PALM2AKAP2: variants seen among roughly 807,000 people sequenced by gnomAD.
The protein encoded by PALM2AKAP2 is PALM2 and AKAP2 fusion, also known as PALM2-AKAP2 fusion protein.
PALM2AKAP2 carries 37 observed loss-of-function variants against 71.5 expected under a neutral mutation model. The observed-to-expected ratio is 0.52, with a 90% CI of 0.40 to 0.68. The LOEUF (loss-of-function observed/expected upper bound fraction) is 0.68, where lower values mean the gene tolerates loss of function less well. Ranked by LOEUF, PALM2AKAP2 falls within the 30% of genes least tolerant of loss-of-function variation. The pLI is 0.00. For missense variants in PALM2AKAP2, 1,224 were observed against 1,191.8 expected (o/e 1.03, Z -0.40); for synonymous variants, 468 against 478.8 (o/e 0.98, Z 0.29).
At chr9:109,946,687 CAAAAAAAAAAAAA>C (rs746162235) in intron 6 of PALM2AKAP2, 1 of 37,840 alleles carries the variant, frequency 2.6e-5, no homozygotes, top group Non-Finnish European at 5.2e-5. Context: ...AACTCCATCT[CAAAAAAAAAAAAA>C]AAAAAAAAAA....
chr9:109,692,992 A>C (rs1827919964), intron 1 of PALM2AKAP2, among the ~76,000 whole-genome samples: 1 of 151,778 alleles, frequency 6.6e-6, no homozygotes, highest in East Asian at 1.9e-4. Context: ...TGGCCTTATA[A>C]AATAAACTTG....
chr9:109,750,655 G>A (rs927361086), intron 1 of PALM2AKAP2, among the ~76,000 whole-genome samples: 22 of 151,692 alleles, frequency 1.5e-4, no homozygotes, highest in African/African-American at 4.8e-4. Flanking sequence ...AAATTTCTGG[G>A]CTAGATGAAA....
exon 1 of PALM2AKAP2, chr9:110,048,837 C>T (rs1564278277): frequency 6.5e-7 from 1 of 1,530,018 alleles, no homozygotes; most frequent in East Asian, 2.5e-5. Context: ...ACTGCGCCCC[C>T]GGGAGCGGGC....
At chr9:109,740,825 G>T (rs12343627) in intron 1 of PALM2AKAP2, among the ~76,000 whole-genome samples, 46,333 of 151,738 alleles carry the variant, frequency 0.31, 7,215 homozygotes, top group Middle Eastern at 0.4. Flanking sequence ...AGCTAATTTT[G>T]GTATTTTTGG....
chr9:110,136,821 A>C (rs1835887013), exon 2 of PALM2AKAP2: 1 of 1,614,094 alleles, frequency 6.2e-7, no homozygotes, highest in Admixed American at 1.7e-5. Flanking sequence ...AAGCTCTTTG[A>C]GGATGACGAG....
intron 6 of PALM2AKAP2, among the ~76,000 whole-genome samples, chr9:109,952,384 G>T (rs534735328): frequency 3.3e-4 from 50 of 152,332 alleles, no homozygotes; most frequent in African/African-American, 9.4e-4. Context: ...ACAGAAAATG[G>T]TTTTCTTTGA....
intron 1 of PALM2AKAP2, chr9:109,867,144 A>C: frequency 2.2e-6 from 1 of 456,168 alleles, no homozygotes; most frequent in South Asian, 1.6e-5. Context: ...CCAAATTAAC[A>C]CTGCACAGAA....
rs190277848 is a variant in PALM2AKAP2 at position 110,072,816 on chromosome 9, A to T, written c.156+23961A>T. 8.3e-4 allele frequency among the ~76,000 whole-genome samples: 127 copies of T among 152,176 alleles called. 1 individual carries two copies. The highest frequency in any genetic ancestry group is 1.5e-3 in the Admixed American group (23 of 15,294). On this transcript the variant is annotated intron_variant, in intron 1 of 3. Transcript: ENST00000374525. The stretch of plus-strand genomic sequence containing the variant: ...GTGGGCTGGCATTCTTGGTCTCCTG[A>T]CTTCTGCCCCAGCTCTACCTTGGTT...
intron 6 of PALM2AKAP2, among the ~76,000 whole-genome samples, chr9:110,011,184 A>G (rs1409704185): frequency 1.0e-4 from 15 of 147,292 alleles, no homozygotes; most frequent in African/African-American, 3.5e-4. Flanking sequence ...TGGAATATAT[A>G]TATTAATTTA....
intron 1 of PALM2AKAP2, among the ~76,000 whole-genome samples, chr9:110,056,096 C>T (rs1833834167): frequency 6.6e-6 from 1 of 152,226 alleles, no homozygotes; most frequent in Admixed American, 6.5e-5. Context: ...CCTCTTCCCG[C>T]CCAACAGTTG....
intron 1 of PALM2AKAP2, among the ~76,000 whole-genome samples, chr9:110,110,912 T>G (rs1243429223): frequency 6.6e-6 from 1 of 152,090 alleles, no homozygotes; most frequent in Non-Finnish European, 1.5e-5. Context: ...GAAGGAGAGT[T>G]AGATCTATGA....
intron 3 of PALM2AKAP2, among the ~76,000 whole-genome samples, chr9:110,167,506 A>T (rs1836767928): frequency 6.6e-6 from 1 of 152,244 alleles, no homozygotes; most frequent in African/African-American, 2.4e-5. Context: ...TGGACCAGAT[A>T]GGCTGAAGTC....
chr9:109,777,951 A>G (rs780589979), upstream of PALM2AKAP2, among the ~76,000 whole-genome samples: 4 of 152,220 alleles, frequency 2.6e-5, no homozygotes, highest in Admixed American at 2.6e-4. Flanking sequence ...TCTTCTATTC[A>G]GAGTTCAGAT....
At chr9:110,057,482 G>A (rs1467398676) in intron 1 of PALM2AKAP2, among the ~76,000 whole-genome samples, 3 of 150,962 alleles carry the variant, frequency 2.0e-5, no homozygotes, top group Admixed American at 6.6e-5. Context: ...CGGTTCAAGC[G>A]ATTTTCCTGC....
At chr9:109,808,329 G>T (rs973002152) in intron 1 of PALM2AKAP2, among the ~76,000 whole-genome samples, 3 of 152,182 alleles carry the variant, frequency 2.0e-5, no homozygotes, top group Non-Finnish European at 4.4e-5. Context: ...TGGTCTCAGA[G>T]GGAGATGAGG....
chr9:110,029,970 G>A (rs1396962069), intron 7 of PALM2AKAP2, among the ~76,000 whole-genome samples: 1 of 152,200 alleles, frequency 6.6e-6, no homozygotes, highest in Non-Finnish European at 1.5e-5. Context: ...CATAAATCAA[G>A]ATTGTAGTTA....
chr9:109,714,385 C>T (rs1259112352), intron 1 of PALM2AKAP2, among the ~76,000 whole-genome samples: 1 of 152,204 alleles, frequency 6.6e-6, no homozygotes. Flanking sequence ...TCACTCCAAG[C>T]CTGGGCTACT....
chr9:110,017,212 A>G (rs1049232598), intron 7 of PALM2AKAP2, among the ~76,000 whole-genome samples: 2 of 152,252 alleles, frequency 1.3e-5, no homozygotes, highest in African/African-American at 4.8e-5. Context: ...AAGTTGTACA[A>G]AAGAATATAC....
chr9:110,057,623 C>T (rs918549438), intron 1 of PALM2AKAP2, among the ~76,000 whole-genome samples: 1 of 152,032 alleles, frequency 6.6e-6, no homozygotes, highest in African/African-American at 2.4e-5. Context: ...CATGATCCGC[C>T]TGCCTCGGCC....
Sources: gnomAD v4.1 joint callset for allele counts (sites outside exome capture counted in the v4.1 genomes callset) on GRCh38, gnomAD v4.1.1 for gene constraint, MANE v1.5 for transcripts, NCBI Gene and HGNC (gene_info 2026-07-23, HGNC 2026-07-21) for gene names.